The following KLHL22 variants were observed in gnomAD, a reference collection of about 807,000 sequenced individuals.
The protein encoded by KLHL22 is kelch-like protein 22.
KLHL22 carries 18 observed loss-of-function variants against 60.7 expected under a neutral mutation model. The observed-to-expected ratio is 0.30, with a 90% CI of 0.20 to 0.44. The LOEUF (loss-of-function observed/expected upper bound fraction) is 0.44, where lower values mean the gene tolerates loss of function less well. Among genes scored for constraint, KLHL22 ranks in the 20% least tolerant of loss-of-function variants. KLHL22 has a pLI of 1.00. For synonymous variants in KLHL22, 355 were observed against 354.5 expected (o/e 1.00, Z -0.01); for missense variants, 596 against 852.3 (o/e 0.70, Z 3.74).
chr22:20,475,428 C>G (rs1032478251), intron 2 of KLHL22: 1 of 152,152 alleles, frequency 6.6e-6, no homozygotes, highest in East Asian at 1.9e-4. Flanking sequence ...ATATTTTCCT[C>G]TAGTGTTTTT....
rs1049106579 is a variant in KLHL22 at position 20,487,895 on chromosome 22, A to T, written c.227+1090T>A. 5.3e-5 allele frequency among the ~76,000 whole-genome samples: 8 copies of T among 152,226 alleles called. No individual in the cohort carries two copies. In the East Asian group the frequency reaches 1.5e-3, roughly 29 times the overall value. ...ACAGCCTCTGGCCATCCTCTCCTAT[A>T]CAGGTCCTAAGTCCCCTGCAGGGGG... is the stretch of plus-strand genomic sequence containing the variant. On this transcript the variant is annotated intron_variant, in intron 2 of 6. Coordinates refer to ENST00000328879, the MANE Select transcript of KLHL22 (RefSeq NM_032775.4).
At chr22:20,469,707 C>T (rs1290346257) in intron 3 of KLHL22, among the ~76,000 whole-genome samples, 2 of 152,124 alleles carry the variant, frequency 1.3e-5, no homozygotes, top group Admixed American at 1.3e-4. Context: ...AGGGAGGCTG[C>T]CAGGGCCCTG....
intron 5 of KLHL22, among the ~76,000 whole-genome samples, chr22:20,449,730 T>C (rs1335407512): frequency 6.6e-6 from 1 of 152,232 alleles, no homozygotes; most frequent in African/African-American, 2.4e-5. Flanking sequence ...AAGAGTTGTT[T>C]ATATATGTAT....
At chr22:20,450,510 C>A in intron 5 of KLHL22, 1 of 1,614,052 alleles carries the variant, frequency 6.2e-7, no homozygotes, top group Non-Finnish European at 8.5e-7. Flanking sequence ...GTCAGTTGGA[C>A]CCTTCTAATT....
chr22:20,450,325 G>T, intron 5 of KLHL22: 1 of 1,237,158 alleles, frequency 8.1e-7, no homozygotes, highest in South Asian at 1.2e-5. Context: ...CTTTATAGAA[G>T]GGGAAACCCT....
At chr22:20,478,508 CTTTTTTTTTTTTT>C (rs1196419660) in intron 2 of KLHL22, among the ~76,000 whole-genome samples, 2 of 67,676 alleles carry the variant, frequency 3.0e-5, no homozygotes, top group Non-Finnish European at 5.7e-5. Flanking sequence ...AAACTTAATT[CTTTTTTTTTTTTT>C]TTTTTTTTTT....
chr22:20,450,302 G>A, intron 5 of KLHL22: 1 of 1,083,982 alleles, frequency 9.2e-7, no homozygotes, highest in Non-Finnish European at 1.4e-6. Flanking sequence ...TCTGTGCCAT[G>A]TTCACTAGTG....
intron 2 of KLHL22, chr22:20,481,832 G>A (rs1281373005): frequency 6.6e-6 from 1 of 152,322 alleles, no homozygotes; most frequent in East Asian, 1.9e-4. Context: ...TCAAACTCCA[G>A]GACTGAACTG....
At chr22:20,473,201 G>T (rs2053356251) in intron 2 of KLHL22, among the ~76,000 whole-genome samples, 1 of 152,182 alleles carries the variant, frequency 6.6e-6, no homozygotes, top group African/African-American at 2.4e-5. Context: ...GGAGGCCAAG[G>T]GTGACCCTGG....
chr22:20,468,512 G>A (rs1302770981), intron 3 of KLHL22, among the ~76,000 whole-genome samples: 3 of 152,188 alleles, frequency 2.0e-5, no homozygotes, highest in Non-Finnish European at 4.4e-5. Flanking sequence ...ACACCGTGAA[G>A]AATCTGGTCC....
chr22:20,448,611 C>T (rs1304958032), intron 5 of KLHL22, among the ~76,000 whole-genome samples: 1 of 152,172 alleles, frequency 6.6e-6, no homozygotes, highest in Non-Finnish European at 1.5e-5. Flanking sequence ...ATTGCCCATG[C>T]TGGAATATAG....
At chr22:20,493,288 A>G (rs769199966) in intron 1 of KLHL22, 2 of 467,016 alleles carry the variant, frequency 4.3e-6, no homozygotes, top group South Asian at 1.6e-5. Flanking sequence ...ACCAAGTCCA[A>G]TTTAAGAAAC....
At chr22:20,483,940 C>T in intron 2 of KLHL22, 1 of 682,160 alleles carries the variant, frequency 1.5e-6, no homozygotes. Flanking sequence ...CCCATGCAGC[C>T]CTGGAAGCTG....
In KLHL22 at chr22:20,465,766, G is replaced by A; in HGVS notation, c.394-190C>T. On this transcript the variant is annotated intron_variant, in intron 3 of 6. Coordinates refer to ENST00000328879, the MANE Select transcript of KLHL22 (RefSeq NM_032775.4). The surrounding 1 kb of genome is among the most constrained non-coding windows in gnomAD (Gnocchi z 4.9). ...TACTGCAGACTAGGTTTAAGTCCTG[G>A]TTTGGAAACATACTGGGTGACAGGA... The A allele has an allele frequency of 3.3e-6, 2 of 601,690 alleles. No individual in the cohort carries two copies. Among genetic ancestry groups the A allele is most frequent in the Non-Finnish European group, 5.9e-6 (2 of 337,020 alleles). 37.3% of individuals were successfully genotyped at this position (601,690 alleles called of 1,614,324 possible).
intron 3 of KLHL22, among the ~76,000 whole-genome samples, 187 bp downstream of exon 3, chr22:20,471,163 A>G (rs1291696933): frequency 6.6e-6 from 1 of 152,204 alleles, no homozygotes; most frequent in Non-Finnish European, 1.5e-5. Flanking sequence ...GGGTGTCTAG[A>G]GCGGCTCTGC....
intron 2 of KLHL22, among the ~76,000 whole-genome samples, chr22:20,477,446 C>T (rs989358548): frequency 1.3e-5 from 2 of 151,932 alleles, no homozygotes; most frequent in Non-Finnish European, 2.9e-5. Context: ...GACCCCATCT[C>T]TTAAAAAAAA....
rs60765839 is a variant in KLHL22, at chr22:20,460,610, C to CAAAAAAA, written c.1113-2617_1113-2611dup. Among the ~76,000 whole-genome samples, 10 of 9,446 alleles carry CAAAAAAA rather than the reference C, an allele frequency of 1.1e-3. 5 individuals are homozygous for CAAAAAAA. Among genetic ancestry groups the CAAAAAAA allele is most frequent in the East Asian group, 7.0e-3 (2 of 284 alleles). The allele number at this position is 9,446 out of a possible 152,430, so 6.2% of individuals were successfully genotyped here. The stretch of plus-strand genomic sequence containing the variant: ...GGCGACAGAGTGAAACTCCATCCCC[C>CAAAAAAA]AAAAAAAAAAAAAAAAAAAAAAAAA... On this transcript the variant is annotated intron_variant, in intron 4 of 6. Transcript: ENST00000328879.
chr22:20,492,183 T>C (rs2053702241), intron 1 of KLHL22: 1 of 152,192 alleles, frequency 6.6e-6, no homozygotes, highest in Non-Finnish European at 1.5e-5. Flanking sequence ...CTATCAAAGC[T>C]ACCATTTCCA....
chr22:20,461,763 G>C (rs1458892732), intron 4 of KLHL22, among the ~76,000 whole-genome samples: 1 of 151,978 alleles, frequency 6.6e-6, no homozygotes, highest in East Asian at 1.9e-4. Context: ...AGGAGTTCAA[G>C]ACCAACTTGG....
Sources: allele counts gnomAD v4.1 joint callset (sites outside exome capture counted in the v4.1 genomes callset), GRCh38; gene constraint gnomAD v4.1.1; non-coding constraint Gnocchi (gnomAD v3.1); transcripts MANE v1.5; gene names NCBI Gene and HGNC (gene_info 2026-07-23, HGNC 2026-07-21).